Variants in TACC3 observed in about 807,000 individuals in gnomAD.
TACC3 encodes the protein transforming acidic coiled-coil containing protein 3, also known as transforming acidic coiled-coil-containing protein 3.
TACC3 carries 52 observed loss-of-function variants against 86.0 expected under a neutral mutation model. The observed-to-expected ratio is 0.60, with a 90% CI of 0.48 to 0.76. TACC3 has a LOEUF of 0.76. TACC3 is among the 30% of genes least tolerant of loss of function. The probability of loss-of-function intolerance (pLI) is 0.00; values close to 1 mark genes in which losing one functional copy is unlikely to be tolerated. For missense variants in TACC3, 1,120 were observed against 1,070.4 expected (o/e 1.05, Z -0.65); for synonymous variants, 512 against 430.0 (o/e 1.19, Z -2.36).
chr4:1,744,354 T>C (rs1718738756), intron 13 of TACC3, 164 bp from the exon 14 acceptor site: 2 of 638,894 alleles, frequency 3.1e-6, no homozygotes, highest in Non-Finnish European at 5.5e-6. Flanking sequence ...GGGGGTGAGC[T>C]GGGAACTTGT....
Position 1,739,861 on chromosome 4 carries a change from C to CATCCCCCTCGCCATCCTTGTCCCT in TACC3, c.2019-82_2019-81insTTGTCCCTATCCCCCTCGCCATCC, listed in dbSNP as rs1560321923. 2.0e-5 allele frequency: 32 copies of CATCCCCCTCGCCATCCTTGTCCCT among 1,573,564 alleles called. No individual in the cohort carries two copies. The Admixed American group carries it at 2.9e-4, about 14-fold the overall frequency. ...CCATCCCCCTCGCCATCCTTGTCCC[C>CATCCCCCTCGCCATCCTTGTCCCT]ATCCCCCTCGCCATCCCTGTCCCCG... On this transcript the variant is annotated intron_variant, in intron 11 of 15. Coordinates refer to ENST00000313288, the MANE Select transcript of TACC3 (RefSeq NM_006342.3).
chr4:1,720,646 CG>C, upstream of TACC3: 1 of 1,542,916 alleles, frequency 6.5e-7, no homozygotes, highest in Non-Finnish European at 8.7e-7. This position sits in a 1 kb window ranked among gnomAD's most constrained non-coding sequence, Gnocchi z 4.4. Flanking sequence ...GCGGCAGCAG[CG>C]AGTGGCACAA....
chr4:1,744,670 C>G (rs1718757805), intron 14 of TACC3, 42 bp from the exon 15 acceptor site: 1 of 1,612,088 alleles, frequency 6.2e-7, no homozygotes, highest in South Asian at 1.1e-5. Context: ...ATCTGAGCAC[C>G]TGGGCCCCAG....
intron 4 of TACC3, 52 bp from the exon 5 acceptor site, chr4:1,730,835 G>A (rs936927366): frequency 1.1e-5 from 17 of 1,580,256 alleles, no homozygotes; most frequent in East Asian, 2.3e-5. Flanking sequence ...AGCAGGGGAC[G>A]CCGGGGTTAT....
Position 1,728,343 on chromosome 4 carries a change from T to A in TACC3, c.941T>A (p.Met314Lys). 6.2e-7 allele frequency: 1 copy of A among 1,613,112 alleles called. No individual in the cohort carries two copies. Among genetic ancestry groups the A allele is most frequent in the Non-Finnish European group, 8.5e-7 (1 of 1,180,030 alleles). ...PTNHLVAGRA[M>K]TLSPQEEVAA... ...AACCACCTGGTGGCTGGCAGGGCCATGACCCTGAGTCCTCAGGAAGAAGTG... is the reference window on the plus strand; with the variant it reads ...AACCACCTGGTGGCTGGCAGGGCCAAGACCCTGAGTCCTCAGGAAGAAGTG... Residue 314 changes from methionine (M) to lysine (K), a missense_variant, in exon 4 of 16, where the codon ATG (methionine) becomes AAG (lysine). Coordinates refer to ENST00000313288, the MANE Select transcript of TACC3 (RefSeq NM_006342.3).
chr4:1,723,798 T>C lies in TACC3; in HGVS notation c.233T>C (p.Leu78Pro), dbSNP rs933226916. 43 of 1,613,680 alleles carry C rather than the reference T, an allele frequency of 2.7e-5. No individual in the cohort carries two copies. The highest frequency in any genetic ancestry group is 3.4e-5 in the Non-Finnish European group (40 of 1,180,014). The change falls in exon 3 of 16, where the codon CTT becomes CCT. Residue 78 changes from leucine (L) to proline (P), a missense_variant. Leu to Pro is a moderately conservative substitution (Grantham distance 98). Transcript: ENST00000313288. ...CTAAGTCCTAGCATGGCCAGCAAAC[T>C]TGAGGCTCCTTTCACTCAGGATGAC... ...RILSPSMASK[L>P]EAPFTQDDTL...
rs1454229704 is a variant in TACC3 at position 1,745,056 on chromosome 4, C to G, written c.*43C>G. 1.9e-6 allele frequency: 3 copies of G among 1,560,484 alleles called. No homozygotes were observed. Among genetic ancestry groups the G allele is most frequent in the Non-Finnish European group, 2.6e-6 (3 of 1,150,200 alleles). ...TCCCCGCCCCCCTGCTCCCGTCTGT[C>G]TGTCCTGTCTGATTCTCTTAGGTGT... On this transcript the variant is annotated 3_prime_UTR_variant, in exon 16 of 16. Coordinates refer to ENST00000313288, the MANE Select transcript of TACC3 (RefSeq NM_006342.3).
At chr4:1,734,863 G>T (rs571881201) in intron 6 of TACC3, among the ~76,000 whole-genome samples, 2 of 152,210 alleles carry the variant, frequency 1.3e-5, no homozygotes, top group South Asian at 4.1e-4. Flanking sequence ...GTTTTGCCCT[G>T]TTGAACTCCT....
In TACC3 at chr4:1,739,660, G is replaced by T. The variant is rs367963306; in HGVS notation, c.1942-42G>T. On this transcript the variant is annotated intron_variant, in intron 10 of 15. Transcript: ENST00000313288. The stretch of plus-strand genomic sequence containing the variant: ...CTGTGGGGAGGTCCTGGGAGGGTCA[G>T]TCTGGCCCGCCTGCCTGCTGACTTG... The T allele has an allele frequency of 1.9e-6, 3 of 1,548,420 alleles. 1 individual carries two copies. Among genetic ancestry groups the T allele is most frequent in the Non-Finnish European group, 1.7e-6 (2 of 1,145,388 alleles).
chr4:1,736,777 G>A (rs928975777), intron 8 of TACC3, among the ~76,000 whole-genome samples: 9 of 152,190 alleles, frequency 5.9e-5, no homozygotes, highest in African/African-American at 1.9e-4. Flanking sequence ...GGGTGAGGCG[G>A]CAGGCGCCTG....
At position 1,723,578 on chromosome 4, in the gene TACC3, A is replaced by G. The variant is rs756373513; in HGVS notation, c.157A>G (p.Met53Val). The G allele has an allele frequency of 5.6e-6, 9 of 1,613,126 alleles. No individual in the cohort carries two copies. The highest frequency in any genetic ancestry group is 1.3e-5 in the African/African-American group (1 of 75,036). Residue 53 changes from methionine to valine, a missense_variant, in exon 2 of 16, where the codon ATG becomes GTG. By Grantham distance (21) the Met-to-Val change is conservative (BLOSUM62 1). Coordinates refer to ENST00000313288, the MANE Select transcript of TACC3 (RefSeq NM_006342.3). ...GCCACCCAAGAACCTGGCCAAAGCT[A>G]TGAAGGTAAGTGTGACCTGTACAGT... is the stretch of plus-strand genomic sequence containing the variant. Reference protein sequence around the residue: ...NVPPKNLAKAMKVTFQTPLRD... With the variant: ...NVPPKNLAKAVKVTFQTPLRD...
chr4:1,740,633 A>C, intron 12 of TACC3, 193 bp from the exon 13 acceptor site: 3 of 555,132 alleles, frequency 5.4e-6, no homozygotes, highest in Non-Finnish European at 6.4e-6. Context: ...TGTGGAGGAA[A>C]CAGCTGTTTC....
chr4:1,743,559 A>AAAAC (rs58124919), intron 13 of TACC3, among the ~76,000 whole-genome samples: 143,474 of 150,738 alleles, frequency 0.95, 68,641 homozygotes, highest in East Asian at 1. Flanking sequence ...TCTAAAAAAA[A>AAAAC]AAAACAGAAA....
chr4:1,737,352 A>T (rs1428282042), intron 9 of TACC3, 24 bp downstream of exon 9: 1 of 1,602,478 alleles, frequency 6.2e-7, no homozygotes, highest in African/African-American at 1.3e-5. Flanking sequence ...TCCCTCTTGA[A>T]CTGTCTTGTG....
intron 13 of TACC3, among the ~76,000 whole-genome samples, chr4:1,742,470 A>G (rs1718641372): frequency 6.6e-6 from 1 of 152,222 alleles, no homozygotes; most frequent in African/African-American, 2.4e-5. Context: ...ATCTTGGACG[A>G]CCCAGTGCAG....
At position 1,728,113 on chromosome 4, in the gene TACC3, G is replaced by C; in HGVS notation, c.711G>C (p.Arg237=). 1 of 1,612,248 alleles carries C rather than the reference G, an allele frequency of 6.2e-7. No individual in the cohort carries two copies. Among genetic ancestry groups the C allele is most frequent in the Non-Finnish European group, 8.5e-7 (1 of 1,179,712 alleles). ...ETPHGAEEEC[R]HGGVCAPAAV... is the part of the protein sequence containing the mutation. ...CGCACGGAGCCGAGGAGGAATGCCG[G>C]CACGGTGGGGTCTGTGCTCCCGCAG... Residue 237 remains arginine, a synonymous_variant, in exon 4 of 16, where the codon CGG becomes CGC. Coordinates refer to ENST00000313288, the MANE Select transcript of TACC3 (RefSeq NM_006342.3).
At chr4:1,729,628 C>T (rs891123400) in intron 4 of TACC3, among the ~76,000 whole-genome samples, 1 of 152,206 alleles carries the variant, frequency 6.6e-6, no homozygotes, top group African/African-American at 2.4e-5. Context: ...AATTCTGCTA[C>T]TGCTATCTAG....
intron 10 of TACC3, among the ~76,000 whole-genome samples, chr4:1,739,120 A>G (rs1050387885): frequency 1.3e-5 from 2 of 152,122 alleles, no homozygotes; most frequent in Admixed American, 6.5e-5. Flanking sequence ...CATCCTGGCT[A>G]ACACGGTGAA....
In TACC3 at chr4:1,739,691, G is replaced by C. The variant is rs1348612686; in HGVS notation, c.1942-11G>C. ...CCCGCCTGCCTGCTGACTTGGGTGT[G>C]GCCTGAGCAGGTAAAGGCGACACAG... is the stretch of plus-strand genomic sequence containing the variant. On this transcript the variant is annotated splice_polypyrimidine_tract_variant and intron_variant, in intron 10 of 15. Transcript: ENST00000313288. 1.3e-6 allele frequency: 2 copies of C among 1,570,516 alleles called. No homozygotes were observed. Among genetic ancestry groups the C allele is most frequent in the Middle Eastern group, 1.8e-4 (1 of 5,514 alleles).
Sources: allele counts gnomAD v4.1 joint callset (sites outside exome capture counted in the v4.1 genomes callset), GRCh38; gene constraint gnomAD v4.1.1; non-coding constraint Gnocchi (gnomAD v3.1); transcripts MANE v1.5; gene names NCBI Gene and HGNC (gene_info 2026-07-23, HGNC 2026-07-21).